DHX37: variants seen among roughly 807,000 people sequenced by gnomAD.
The protein encoded by DHX37 is probable ATP-dependent RNA helicase DHX37.
A neutral mutation model predicts 134.3 loss-of-function variants in DHX37; 52 were observed. That is an observed-to-expected ratio of 0.39 (90% CI 0.31 to 0.49). The LOEUF is 0.49. DHX37 is among the 20% of genes least tolerant of loss of function. The pLI, the probability that DHX37 is intolerant of heterozygous loss-of-function variation, is 0.93. For missense variants in DHX37, 1,344 were observed against 1,580.8 expected (o/e 0.85, Z 2.54); for synonymous variants, 634 against 670.7 (o/e 0.95, Z 0.85).
chr12:124,977,492 T>G lies in DHX37; in HGVS notation c.739-2A>C. On this transcript the variant is annotated splice_acceptor_variant, in intron 4 of 26. Coordinates refer to ENST00000308736, the MANE Select transcript of DHX37 (RefSeq NM_032656.4). LOFTEE classifies it high-confidence loss of function. The stretch of plus-strand genomic sequence containing the variant: ...AATTGGGAGCTTCAGCCGTTCCTCC[T>G]GGAAGGAGAGGAAGTCAGCACTTAG... 1 of 1,592,024 alleles carries G rather than the reference T, an allele frequency of 6.3e-7. No homozygotes were observed. Among genetic ancestry groups the G allele is most frequent in the South Asian group, 1.1e-5 (1 of 87,540 alleles).
chr12:124,983,628 T>G (rs913881633), intron 2 of DHX37, among the ~76,000 whole-genome samples: 1 of 151,272 alleles, frequency 6.6e-6, no homozygotes, highest in African/African-American at 2.4e-5. Context: ...CTACTAAAAA[T>G]ACAAAAATTA....
At chr12:124,952,377 G>A in intron 21 of DHX37, 21 bp downstream of exon 21, 1 of 1,594,382 alleles carries the variant, frequency 6.3e-7, no homozygotes, top group East Asian at 2.3e-5. Flanking sequence ...TACCCGGGCA[G>A]GGAGGCGGTG....
At chr12:124,984,983 G>A (rs1286496066) in intron 2 of DHX37, among the ~76,000 whole-genome samples, 1 of 152,186 alleles carries the variant, frequency 6.6e-6, no homozygotes, top group Middle Eastern at 3.2e-3. Context: ...ACACACGGAG[G>A]AAAGGCCGAG....
chr12:124,960,190 C>T (rs1200022227), intron 16 of DHX37, 122 bp downstream of exon 16: 5 of 1,476,608 alleles, frequency 3.4e-6, no homozygotes, highest in Admixed American at 2.2e-5. Context: ...TGCTGATGCA[C>T]TGTTGTGTAA....
At chr12:124,969,836 C>T (rs1954478052) in intron 8 of DHX37, among the ~76,000 whole-genome samples, 1 of 151,788 alleles carries the variant, frequency 6.6e-6, no homozygotes, top group Admixed American at 6.6e-5. Context: ...CAAAAGGATT[C>T]CTTAAGCCCA....
At chr12:124,976,487 G>A (rs144705103) in intron 5 of DHX37, among the ~76,000 whole-genome samples, 2,741 of 152,222 alleles carry the variant, frequency 0.018, 84 homozygotes, top group African/African-American at 0.063. Context: ...CGAGGTGGGT[G>A]GATCACATGA....
At position 124,947,551 on chromosome 12, in the gene DHX37, A is replaced by G. The variant is rs745614891; in HGVS notation, c.*251T>C. 8.1e-6 allele frequency: 4 copies of G among 491,100 alleles called. No homozygotes were observed. Among genetic ancestry groups the G allele is most frequent in the African/African-American group, 7.7e-5 (4 of 52,258 alleles). The allele number at this position is 491,100 out of a possible 1,614,324, so 30.4% of individuals were successfully genotyped here. On this transcript the variant is annotated 3_prime_UTR_variant, in exon 27 of 27. Transcript: ENST00000308736. The stretch of plus-strand genomic sequence containing the variant: ...GAGCACACTGAACAGAACAGCGTCC[A>G]GCACGTGAGATGAAATCATCATCCA...
In DHX37 at chr12:124,980,807, C is replaced by A; in HGVS notation, c.421G>T (p.Glu141Ter). The change falls in exon 4 of 27, where the codon GAG becomes TAG. Residue 141 changes from glutamate (E) to a stop codon, truncating the protein, a stop_gained. Transcript: ENST00000308736. LOFTEE classifies it high-confidence loss of function. This position sits in a 1 kb window ranked among gnomAD's most constrained non-coding sequence, Gnocchi z 5.3. ...GCACCGCTGAGGCTACTGATCTTCTCCTGGCCCGGGGCTACCACCTCGTCA... is the reference window on the plus strand; with the variant it reads ...GCACCGCTGAGGCTACTGATCTTCTACTGGCCCGGGGCTACCACCTCGTCA... The part of the protein sequence containing the change: ...KADEVVAPGQ[E>*]KISSLSGAHR... The A allele has an allele frequency of 6.4e-7, 1 of 1,557,304 alleles. No homozygotes were observed. The highest frequency in any genetic ancestry group is 1.4e-5 in the African/African-American group (1 of 73,584).
intron 12 of DHX37, 108 bp from the exon 13 acceptor site, chr12:124,965,920 A>G (rs1954377841): frequency 5.6e-6 from 8 of 1,419,148 alleles, no homozygotes; most frequent in African/African-American, 1.4e-5. Context: ...GTCCACACCC[A>G]TGGGCCATGC....
In DHX37 at chr12:124,950,798, G is replaced by C. The variant is rs1953963627; in HGVS notation, c.2875C>G (p.Leu959Val). 4 of 1,606,476 alleles carry C rather than the reference G, an allele frequency of 2.5e-6. No individual in the cohort carries two copies. Among genetic ancestry groups the C allele is most frequent in the Non-Finnish European group, 2.5e-6 (3 of 1,177,920 alleles). The part of the protein sequence containing the change: ...DKWRNAYKTP[L>V]LDDPVFIHPS... The stretch of plus-strand genomic sequence containing the variant: ...TGGATGAAGACAGGGTCGTCGAGGA[G>C]AGGGGTCTGCAGAGAATGGAGAGTG... The change falls in exon 22 of 27, where the codon CTC becomes GTC. Residue 959 changes from leucine (L) to valine (V), a missense_variant. Leu to Val is a conservative substitution (Grantham distance 32). Coordinates refer to ENST00000308736, the MANE Select transcript of DHX37 (RefSeq NM_032656.4).
At chr12:124,953,760 TAC>T in intron 20 of DHX37, 118 bp downstream of exon 20, 1 of 1,437,416 alleles carries the variant, frequency 7.0e-7, no homozygotes, top group Non-Finnish European at 9.2e-7. Flanking sequence ...GGGTTATAAA[TAC>T]ATTTTGGTGC....
chr12:124,965,150 C>G (rs1158622100), intron 13 of DHX37, 144 bp from the exon 14 acceptor site: 14 of 882,288 alleles, frequency 1.6e-5, no homozygotes, highest in Non-Finnish European at 2.4e-5. Context: ...TTGGGACCAG[C>G]CAGGCCAAGC....
intron 15 of DHX37, among the ~76,000 whole-genome samples, chr12:124,963,770 C>T (rs1332306177): frequency 4.7e-5 from 7 of 148,122 alleles, no homozygotes; most frequent in Non-Finnish European, 7.4e-5. Context: ...GTCCCAGCTA[C>T]TCGGGAGGCT....
intron 8 of DHX37, among the ~76,000 whole-genome samples, chr12:124,969,957 A>G (rs560391980): frequency 6.6e-6 from 1 of 152,124 alleles, no homozygotes; most frequent in African/African-American, 2.4e-5. Context: ...AAAAAACCAT[A>G]AAAGGCACAG....
At chr12:124,975,821 G>A (rs1038023057) in intron 5 of DHX37, among the ~76,000 whole-genome samples, 15 of 152,168 alleles carry the variant, frequency 9.9e-5, no homozygotes, top group East Asian at 1.9e-4. Flanking sequence ...ACAGGAACCC[G>A]CCAAGCCGAT....
intron 4 of DHX37, among the ~76,000 whole-genome samples, chr12:124,979,970 CT>C (rs1313420853): frequency 2.0e-5 from 3 of 152,248 alleles, no homozygotes; most frequent in African/African-American, 4.8e-5. Flanking sequence ...TCCAGAGTTC[CT>C]ACGTGGGCTG....
intron 6 of DHX37, among the ~76,000 whole-genome samples, chr12:124,973,806 A>G (rs930775303): frequency 6.6e-6 from 1 of 151,652 alleles, no homozygotes; most frequent in Non-Finnish European, 1.5e-5. Flanking sequence ...ACACCCAGCT[A>G]ATTTTTTTGT....
intron 15 of DHX37, 144 bp downstream of exon 15, chr12:124,964,250 T>C: frequency 1.6e-6 from 2 of 1,230,820 alleles, no homozygotes; most frequent in East Asian, 5.6e-5. Flanking sequence ...GCAAAAGGGC[T>C]GGGGAGCACC....
intron 2 of DHX37, among the ~76,000 whole-genome samples, chr12:124,985,405 G>C (rs1954847168): frequency 6.6e-6 from 1 of 152,022 alleles, no homozygotes; most frequent in South Asian, 2.1e-4. Flanking sequence ...CCTTGCAAAT[G>C]TTTGAATTTC....
Sources: allele counts gnomAD v4.1 joint callset (sites outside exome capture counted in the v4.1 genomes callset), GRCh38; gene constraint gnomAD v4.1.1; non-coding constraint Gnocchi (gnomAD v3.1); transcripts MANE v1.5; gene names NCBI Gene and HGNC (gene_info 2026-07-23, HGNC 2026-07-21).